The following GALNT17 variants were observed in gnomAD, a reference collection of about 807,000 sequenced individuals.
GALNT17 encodes the protein UDP-GalNAc:polypeptide N-acetylgalactosaminyltransferase-like 3.
A neutral mutation model predicts 63.7 loss-of-function variants in GALNT17; 29 were observed. The ratio of observed to expected loss-of-function variants is 0.46; its 90% CI spans 0.34 to 0.62. The LOEUF (loss-of-function observed/expected upper bound fraction) is 0.62. Among genes scored for constraint, GALNT17 ranks in the 20% least tolerant of loss-of-function variants. GALNT17 has a pLI of 0.01. For missense variants in GALNT17, 603 were observed against 799.6 expected (o/e 0.75, Z 2.97); for synonymous variants, 305 against 318.3 (o/e 0.96, Z 0.45).
intron 1 of GALNT17, among the ~76,000 whole-genome samples, chr7:71,309,275 T>C (rs1012569227): frequency 6.6e-6 from 1 of 152,194 alleles, no homozygotes; most frequent in Non-Finnish European, 1.5e-5. Context: ...TCCATGACCC[T>C]TGGCAGTCTA....
intron 5 of GALNT17, among the ~76,000 whole-genome samples, chr7:71,493,711 G>A (rs1379804214): frequency 6.6e-6 from 1 of 152,140 alleles, no homozygotes; most frequent in Non-Finnish European, 1.5e-5. Flanking sequence ...TTCAAGATGA[G>A]ATTTGGGTAG....
chr7:71,204,707 C>A (rs57743710), intron 1 of GALNT17, among the ~76,000 whole-genome samples: 50,624 of 151,260 alleles, frequency 0.33, 10,273 homozygotes, highest in African/African-American at 0.57. Flanking sequence ...CTGAAACTAC[C>A]GGCATGCACC....
chr7:71,493,721 G>GA (rs1478002194), intron 5 of GALNT17, among the ~76,000 whole-genome samples: 3 of 152,180 alleles, frequency 2.0e-5, no homozygotes, highest in Non-Finnish European at 4.4e-5. Flanking sequence ...GATTTGGGTA[G>GA]AAATGCAGCC....
chr7:71,613,719 T>A (rs1790158318), intron 6 of GALNT17, among the ~76,000 whole-genome samples: 1 of 151,886 alleles, frequency 6.6e-6, no homozygotes, highest in Non-Finnish European at 1.5e-5. Flanking sequence ...TTTGGGAGGC[T>A]GAGGCAAGAG....
intron 1 of GALNT17, among the ~76,000 whole-genome samples, chr7:71,331,127 C>G (rs1307072710): frequency 6.6e-6 from 1 of 152,206 alleles, no homozygotes; most frequent in African/African-American, 2.4e-5. Context: ...ACACTCTCTT[C>G]TGTATGCCCT....
intron 9 of GALNT17, among the ~76,000 whole-genome samples, chr7:71,687,978 A>G (rs1186494206): frequency 6.6e-6 from 1 of 152,112 alleles, no homozygotes; most frequent in African/African-American, 2.4e-5. Context: ...GATTACAAGT[A>G]TGAGCCACTG....
At chr7:71,346,748 G>T (rs1360329734) in intron 2 of GALNT17, among the ~76,000 whole-genome samples, 6 of 149,846 alleles carry the variant, frequency 4.0e-5, no homozygotes, top group East Asian at 2.0e-4. Flanking sequence ...TTGCCTGTTG[G>T]GGGGGCGGGG....
At chr7:71,348,254 C>G (rs150264632) in intron 2 of GALNT17, among the ~76,000 whole-genome samples, 39 of 137,676 alleles carry the variant, frequency 2.8e-4, no homozygotes, top group African/African-American at 1.0e-3. Flanking sequence ...GAGTGAGACT[C>G]TGTCTCAAAA....
intron 2 of GALNT17, among the ~76,000 whole-genome samples, chr7:71,341,197 A>G (rs1194775511): frequency 3.3e-5 from 5 of 152,334 alleles, no homozygotes; most frequent in African/African-American, 1.2e-4. Flanking sequence ...TAAAACAAAA[A>G]TTAAACGGAG....
At chr7:71,557,930 C>T (rs945538476) in intron 5 of GALNT17, among the ~76,000 whole-genome samples, 6 of 151,820 alleles carry the variant, frequency 4.0e-5, no homozygotes, top group African/African-American at 9.7e-5. Flanking sequence ...AAAAATTAGC[C>T]GAGCATCGTG....
At chr7:71,180,162 G>A (rs867180240) in intron 1 of GALNT17, among the ~76,000 whole-genome samples, 1 of 151,888 alleles carries the variant, frequency 6.6e-6, no homozygotes, top group Non-Finnish European at 1.5e-5. Context: ...GTGTCGCTCT[G>A]TCGCCCAGGC....
chr7:71,533,476 A>G (rs1163857328), intron 5 of GALNT17, among the ~76,000 whole-genome samples: 1 of 152,170 alleles, frequency 6.6e-6, no homozygotes, highest in African/African-American at 2.4e-5. Flanking sequence ...ATGCTGAGCA[A>G]CATAGTTGAT....
chr7:71,473,588 T>C (rs984781492), intron 5 of GALNT17, among the ~76,000 whole-genome samples: 2 of 152,188 alleles, frequency 1.3e-5, no homozygotes, highest in Non-Finnish European at 2.9e-5. Context: ...TGGTCAGTTG[T>C]GCCTAAACTC....
At chr7:71,621,175 A>G (rs1452719413) in intron 6 of GALNT17, among the ~76,000 whole-genome samples, 1 of 152,116 alleles carries the variant, frequency 6.6e-6, no homozygotes, top group Non-Finnish European at 1.5e-5. Context: ...ATCCAGCCTG[A>G]ACAACTCTGC....
chr7:71,157,663 G>GA (rs55721821), intron 1 of GALNT17, among the ~76,000 whole-genome samples: 47,202 of 151,150 alleles, frequency 0.31, 8,103 homozygotes, highest in Middle Eastern at 0.38. Flanking sequence ...ATCTCAGAAA[G>GA]AAAAAAATAT....
At chr7:71,532,605 A>T (rs1033041855) in intron 5 of GALNT17, among the ~76,000 whole-genome samples, 1 of 152,140 alleles carries the variant, frequency 6.6e-6, no homozygotes, top group Non-Finnish European at 1.5e-5. Flanking sequence ...ATGCATGCAT[A>T]TGGGGACTTC....
chr7:71,601,507 A>G (rs1285708172), intron 6 of GALNT17, among the ~76,000 whole-genome samples: 1 of 152,112 alleles, frequency 6.6e-6, no homozygotes, highest in Non-Finnish European at 1.5e-5. Flanking sequence ...AGTTGGTAGA[A>G]AACTGGCCAC....
rs1791619986 is a variant in GALNT17 at position 71,321,919 on chromosome 7, C to CT, written c.239-13629dup. Among the ~76,000 whole-genome samples the CT allele has an allele frequency of 7.8e-3, 487 of 62,536 alleles. 10 individuals carry two copies. Among genetic ancestry groups the CT allele is most frequent in the African/African-American group, 8.1e-3 (158 of 19,580 alleles). 41.0% of individuals were successfully genotyped at this position (62,536 alleles called of 152,430 possible). ...CCTTCCTTCCTTCCTTCCTTCCTTC[C>CT]TTCCCCTCCCTCCCTCCCTCCCTCC... On this transcript the variant is annotated intron_variant, in intron 1 of 10. Transcript: ENST00000333538.
At position 71,489,032 on chromosome 7, in the gene GALNT17, T is replaced by C. The variant is rs1787961537; in HGVS notation, c.962+67927T>C. Reference sequence around the variant, plus strand: ...CCTCAGCCTCCCAAGTACCTGGGACTACAGGCGAGCACCACCACACCTCGC... The same window carrying C: ...CCTCAGCCTCCCAAGTACCTGGGACCACAGGCGAGCACCACCACACCTCGC... On this transcript the variant is annotated intron_variant, in intron 5 of 10. Transcript: ENST00000333538. Among the ~76,000 whole-genome samples, 2 of 148,880 alleles carry C rather than the reference T, an allele frequency of 1.3e-5. 1 individual carries two copies. The highest frequency in any genetic ancestry group is 1.4e-4 in the Admixed American group (2 of 14,702).
Sources: gnomAD v4.1 joint callset for allele counts (sites outside exome capture counted in the v4.1 genomes callset) on GRCh38, gnomAD v4.1.1 for gene constraint, MANE v1.5 for transcripts, NCBI Gene and HGNC (gene_info 2026-07-23, HGNC 2026-07-21) for gene names.